Variants in RAB11FIP1 observed in about 807,000 individuals in gnomAD.
RAB11FIP1 encodes rab11 family-interacting protein 1.
A neutral mutation model predicts 83.1 loss-of-function variants in RAB11FIP1; 49 were observed. The observed-to-expected ratio is 0.59, with a 90% CI of 0.47 to 0.75. RAB11FIP1 has a LOEUF of 0.75. RAB11FIP1 is among the 30% of genes least tolerant of loss of function. RAB11FIP1 has a pLI of 0.00. For missense variants in RAB11FIP1, 1,536 were observed against 1,598.7 expected (o/e 0.96, Z 0.67); for synonymous variants, 670 against 656.0 (o/e 1.02, Z -0.33).
At chr8:37,875,601 G>C (rs996952520) in intron 2 of RAB11FIP1, among the ~76,000 whole-genome samples, 3 of 152,178 alleles carry the variant, frequency 2.0e-5, no homozygotes, top group African/African-American at 7.2e-5. Flanking sequence ...ACTCTTGGTA[G>C]AGTAGCAGAA....
Position 37,872,310 on chromosome 8 carries a change from T to C in RAB11FIP1, c.2492A>G (p.His831Arg), listed in dbSNP as rs1806486205. The change falls in exon 4 of 6, where the codon CAC becomes CGC. Residue 831 changes from histidine to arginine, a missense_variant. Physicochemically the swap from His to Arg is conservative, Grantham distance 29. Transcript: ENST00000330843. ...GTTCAGCTCCTGGGGACAACTGCTG[T>C]GTCCTTCCACCAGCAAGGCAGCCCC... Reference protein sequence around the residue: ...VAGAALLVEGHSSCPQELNPA... With the variant: ...VAGAALLVEGRSSCPQELNPA... 1.2e-6 allele frequency: 2 copies of C among 1,614,080 alleles called. No individual in the cohort carries two copies. Among genetic ancestry groups the C allele is most frequent in the Non-Finnish European group, 8.5e-7 (1 of 1,179,984 alleles).
chr8:37,889,962 T>C (rs1379483314), intron 1 of RAB11FIP1, among the ~76,000 whole-genome samples: 1 of 152,120 alleles, frequency 6.6e-6, no homozygotes, highest in African/African-American at 2.4e-5. Context: ...TTTTTGTGTT[T>C]TTAGTAGAAA....
rs748758670 is a variant in RAB11FIP1 at position 37,873,178 on chromosome 8, G to A, written c.1624C>T (p.Leu542=). The A allele has an allele frequency of 1.3e-6, 2 of 1,578,762 alleles. No homozygotes were observed. The highest frequency in any genetic ancestry group is 1.7e-6 in the Non-Finnish European group (2 of 1,168,672). ...APQTRAVKPR[L]EVSPEAQPTA... Reference sequence around the variant, plus strand: ...GGTTGCGCCTCTGGAGACACTTCCAGTCTGCAAAAAGGACAAAATAAAATC... The same window carrying A: ...GGTTGCGCCTCTGGAGACACTTCCAATCTGCAAAAAGGACAAAATAAAATC... The change falls in exon 4 of 6, where the codon CTG becomes TTG. Residue 542 remains leucine, a splice_region_variant and synonymous_variant. Coordinates refer to ENST00000330843, the MANE Select transcript of RAB11FIP1 (RefSeq NM_001002814.3).
At chr8:37,893,081 T>C (rs1441226058) in intron 1 of RAB11FIP1, among the ~76,000 whole-genome samples, 3 of 150,910 alleles carry the variant, frequency 2.0e-5, no homozygotes, top group Non-Finnish European at 3.0e-5. Flanking sequence ...TTTTTCTTTT[T>C]TTTTTTTTTT....
rs181395839 is a variant in RAB11FIP1 at position 37,872,848 on chromosome 8, G to A, written c.1954C>T (p.Leu652=). The A allele has an allele frequency of 1.1e-4, 184 of 1,614,168 alleles. 1 individual carries two copies. In the East Asian group the frequency reaches 3.7e-3, roughly 33 times the overall value. ...GATGGCTGTTTGAAAAGTGATCCCA[G>A]GGCAGAAGAACCAGAATTTGGAACC... ...TPVPNSGSSA[L]GSLFKQPSFP... is the part of the protein sequence containing the mutation. The change falls in exon 4 of 6, where the codon CTG becomes TTG. Residue 652 remains leucine (L), a synonymous_variant. Coordinates refer to ENST00000330843, the MANE Select transcript of RAB11FIP1 (RefSeq NM_001002814.3).
Position 37,899,405 on chromosome 8 carries a change from C to T in RAB11FIP1, c.37G>A (p.Ala13Thr), listed in dbSNP as rs762914030. Residue 13 changes from alanine to threonine, a missense_variant, in exon 1 of 6, where the codon GCC becomes ACC. Coordinates refer to ENST00000330843, the MANE Select transcript of RAB11FIP1 (RefSeq NM_001002814.3). The surrounding 1 kb of genome is among the most constrained non-coding windows in gnomAD (Gnocchi z 4.5). ...TGCACGTGGGTTGGGGACCACACGG[C>T]CCCCAGGCCCCGGCCAGCCGAGACC... is the stretch of plus-strand genomic sequence containing the variant. The part of the protein sequence containing the change: ...LMVSAGRGLG[A>T]VWSPTHVQVT... The T allele has an allele frequency of 1.4e-5, 23 of 1,588,024 alleles. No homozygotes were observed. Among genetic ancestry groups the T allele is most frequent in the Non-Finnish European group, 1.9e-5 (22 of 1,169,094 alleles).
chr8:37,871,805 C>T lies in RAB11FIP1; in HGVS notation c.2997G>A (p.Leu999=), dbSNP rs1261312633. 6.2e-7 allele frequency: 1 copy of T among 1,614,060 alleles called. No homozygotes were observed. The highest frequency in any genetic ancestry group is 8.5e-7 in the Non-Finnish European group (1 of 1,180,026). Residue 999 remains leucine (L), a synonymous_variant, in exon 4 of 6, where the codon TTG becomes TTA. Transcript: ENST00000330843. ...AKSSTLDIGA[L]SLGLVVPCPE... is the part of the protein sequence containing the mutation. Reference sequence around the variant, plus strand: ...GACAGGGGACTACCAAGCCCAAGGACAAAGCTCCTATGTCCAGAGTTGACG... The same window carrying T: ...GACAGGGGACTACCAAGCCCAAGGATAAAGCTCCTATGTCCAGAGTTGACG...
chr8:37,876,103 G>A (rs1163107287), intron 2 of RAB11FIP1, among the ~76,000 whole-genome samples: 1 of 152,082 alleles, frequency 6.6e-6, no homozygotes, highest in Non-Finnish European at 1.5e-5. Flanking sequence ...ACTGAGGAAG[G>A]AGAATTGCTT....
Position 37,858,655 on chromosome 8 carries a change from C to T in RAB11FIP1, c.*4240G>A, listed in dbSNP as rs79815374. The stretch of plus-strand genomic sequence containing the variant: ...TGTCCAAATGCTCAGCCAAGGGTAC[C>T]GGCTGCAAAGGAAAAGGGGGCAGCA... On this transcript the variant is annotated 3_prime_UTR_variant, in exon 6 of 6. Coordinates refer to ENST00000330843, the MANE Select transcript of RAB11FIP1 (RefSeq NM_001002814.3). 269 of 152,402 alleles carry T rather than the reference C, an allele frequency of 1.8e-3. 1 individual carries two copies. The highest frequency in any genetic ancestry group is 2.7e-3 in the Non-Finnish European group (187 of 68,072). 9.4% of individuals were successfully genotyped at this position (152,402 alleles called of 1,614,324 possible).
At position 37,872,407 on chromosome 8, in the gene RAB11FIP1, G is replaced by A. The variant is rs200221818; in HGVS notation, c.2395C>T (p.Arg799Cys). ...TTCTTGGTTTTCTTCTGGTCCTTGC[G>A]GAGGTTCAGACCCATCTCTTCCAGC... ...RKLEEMGLNL[R>C]KDQKKTKKRV... The change falls in exon 4 of 6, where the codon CGC (arginine) becomes TGC (cysteine). Residue 799 changes from arginine (R) to cysteine (C), a missense_variant. Arg to Cys is a radical substitution (Grantham distance 180). Transcript: ENST00000330843. 26 of 1,614,108 alleles carry A rather than the reference G, an allele frequency of 1.6e-5. No individual in the cohort carries two copies. Among genetic ancestry groups the A allele is most frequent in the African/African-American group, 8.0e-5 (6 of 75,018 alleles).
At chr8:37,878,533 C>CAAAA (rs918942295) in intron 1 of RAB11FIP1, among the ~76,000 whole-genome samples, 18 of 24,082 alleles carry the variant, frequency 7.5e-4, no homozygotes, top group Admixed American at 1.1e-3. Context: ...GACTCCATCT[C>CAAAA]AAAAAAAAAA....
rs1422290629 is a variant in RAB11FIP1 at position 37,874,709 on chromosome 8, T to A, written c.1428A>T (p.Ala476=). Residue 476 remains alanine (A), a synonymous_variant, in exon 3 of 6, where the codon GCA becomes GCT. Coordinates refer to ENST00000330843, the MANE Select transcript of RAB11FIP1 (RefSeq NM_001002814.3). The part of the protein sequence containing the change: ...MLMGVKPGED[A]SGPAEDLVRR... ...TCACAAGGTCTTCAGCAGGCCCCGA[T>A]GCGTCCTCCCCCGGCTTAACCCCCA... The A allele has an allele frequency of 6.2e-7, 1 of 1,614,160 alleles. No individual in the cohort carries two copies. Among genetic ancestry groups the A allele is most frequent in the East Asian group, 2.2e-5 (1 of 44,872 alleles).
intron 1 of RAB11FIP1, among the ~76,000 whole-genome samples, chr8:37,882,566 T>C (rs1371750066): frequency 6.6e-6 from 1 of 152,222 alleles, no homozygotes; most frequent in Non-Finnish European, 1.5e-5. Flanking sequence ...GAGGTGTTCC[T>C]CCTCTTACTT....
At chr8:37,870,352 G>T in intron 5 of RAB11FIP1, 68 bp downstream of exon 5, 1 of 904,654 alleles carries the variant, frequency 1.1e-6, no homozygotes, top group Non-Finnish European at 1.8e-6. Context: ...AGAGGTATAC[G>T]ATGGTGACTA....
intron 2 of RAB11FIP1, among the ~76,000 whole-genome samples, chr8:37,875,759 T>C (rs914682068): frequency 3.9e-5 from 6 of 152,022 alleles, no homozygotes; most frequent in Admixed American, 2.0e-4. Flanking sequence ...AACTACCTGA[T>C]GAATTAATGA....
At position 37,872,112 on chromosome 8, in the gene RAB11FIP1, A is replaced by G. The variant is rs774507754; in HGVS notation, c.2690T>C (p.Val897Ala). The change falls in exon 4 of 6, where the codon GTC becomes GCC. Residue 897 changes from valine (V) to alanine (A), a missense_variant. Val to Ala is a moderately conservative substitution (Grantham distance 64). Coordinates refer to ENST00000330843, the MANE Select transcript of RAB11FIP1 (RefSeq NM_001002814.3). ...CGCTGAGCTTGCTTCACTCATGGGG[A>G]CTTCGGAGAAACTCTCCTCCTGGGA... ...LPSQEESFSE[V>A]PMSEASSAKD... is the part of the protein sequence containing the mutation. The G allele has an allele frequency of 1.2e-6, 2 of 1,613,950 alleles. No homozygotes were observed. Among genetic ancestry groups the G allele is most frequent in the East Asian group, 2.2e-5 (1 of 44,858 alleles).
At chr8:37,880,578 G>A (rs927117747) in intron 1 of RAB11FIP1, among the ~76,000 whole-genome samples, 2 of 152,182 alleles carry the variant, frequency 1.3e-5, no homozygotes, top group East Asian at 3.9e-4. Flanking sequence ...ACAGGCATAA[G>A]CCACCAAGCG....
In RAB11FIP1 at chr8:37,872,490, A is replaced by T; in HGVS notation, c.2312T>A (p.Val771Glu). The change falls in exon 4 of 6, where the codon GTG becomes GAG. Residue 771 changes from valine to glutamate, a missense_variant. Val to Glu is a moderately radical substitution (Grantham distance 121, BLOSUM62 -2). Transcript: ENST00000330843. ...TGCTCCCATGGGAAGAGGGGGCGCC[A>T]CTTCTTCAGCTGCATCCCTGGCTTT... ...ESKARDAAEE[V>E]APPLPMGASV... The T allele has an allele frequency of 6.2e-7, 1 of 1,614,112 alleles. No homozygotes were observed. The highest frequency in any genetic ancestry group is 1.1e-5 in the South Asian group (1 of 91,082).
At chr8:37,873,309 A>G in intron 3 of RAB11FIP1, 130 bp from the exon 4 acceptor site, 1 of 1,082,640 alleles carries the variant, frequency 9.2e-7, no homozygotes, top group South Asian at 1.8e-5. Flanking sequence ...TTAAGAAGTT[A>G]AAAAAGGAAC....
Sources: gnomAD v4.1 joint callset for allele counts (sites outside exome capture counted in the v4.1 genomes callset) on GRCh38, gnomAD v4.1.1 for gene constraint, Gnocchi (gnomAD v3.1) non-coding constraint, MANE v1.5 for transcripts, NCBI Gene and HGNC (gene_info 2026-07-23, HGNC 2026-07-21) for gene names.